Variants in ASB3 observed in about 807,000 individuals in gnomAD.
The protein encoded by ASB3 is ankyrin repeat and SOCS box protein 3.
In ASB3, 41 loss-of-function variants were observed where a neutral mutation model predicts 54.5. The ratio of observed to expected loss-of-function variants is 0.75; its 90% CI spans 0.59 to 0.98. The LOEUF is 0.98. ASB3 is among the 50% of genes least tolerant of loss of function. The pLI is 0.00. For synonymous variants in ASB3, 266 were observed against 221.2 expected (o/e 1.20, Z -1.80); for missense variants, 733 against 620.0 (o/e 1.18, Z -1.94).
In ASB3 at chr2:53,778,423, T is replaced by C. The variant is rs555982048; in HGVS notation, c.-14+8398A>G. On this transcript the variant is annotated intron_variant, in intron 1 of 9. Coordinates refer to ENST00000263634, the MANE Select transcript of ASB3 (RefSeq NM_016115.5). ...CTCAAATTTTTTTTGTAGTGAAAAC[T>C]TTTAAAAGTTACTCTTAGCAAGTAT... Among the ~76,000 whole-genome samples, 349 of 152,264 alleles carry C rather than the reference T, an allele frequency of 2.3e-3. 1 individual carries two copies. Among genetic ancestry groups the C allele is most frequent in the African/African-American group, 8.0e-3 (334 of 41,562 alleles).
intron 5 of ASB3, among the ~76,000 whole-genome samples, chr2:53,720,397 T>A (rs149419428): frequency 0.011 from 1,743 of 152,144 alleles, 32 homozygotes; most frequent in African/African-American, 0.039. Flanking sequence ...TTGACTGAGA[T>A]CTCTCTCAGA....
At chr2:53,726,315 C>T (rs1227206349) in intron 5 of ASB3, among the ~76,000 whole-genome samples, 1 of 147,486 alleles carries the variant, frequency 6.8e-6, no homozygotes, top group Non-Finnish European at 1.5e-5. Context: ...GGCTGGAGTG[C>T]AGAGGCGCGA....
intron 9 of ASB3, among the ~76,000 whole-genome samples, chr2:53,673,214 A>T (rs1434620319): frequency 6.6e-6 from 1 of 152,220 alleles, no homozygotes; most frequent in Non-Finnish European, 1.5e-5. Context: ...TTTAACAGGC[A>T]TCTGTTAAAT....
chr2:53,751,373 A>T (rs1672502207), intron 2 of ASB3, among the ~76,000 whole-genome samples: 1 of 152,208 alleles, frequency 6.6e-6, no homozygotes, highest in Admixed American at 6.5e-5. Flanking sequence ...CTTGTAGTCA[A>T]CTAATACCAT....
chr2:53,704,573 T>G (rs1669668793), intron 7 of ASB3, among the ~76,000 whole-genome samples: 1 of 152,112 alleles, frequency 6.6e-6, no homozygotes, highest in Admixed American at 6.6e-5. Flanking sequence ...CCTCAGACAC[T>G]GGTTATATGA....
intron 1 of ASB3, chr2:53,774,227 G>C: frequency 1.9e-6 from 3 of 1,614,028 alleles, no homozygotes; most frequent in Non-Finnish European, 2.5e-6. Context: ...GAAAAAGGAG[G>C]CTACAGAACC....
intron 2 of ASB3, among the ~76,000 whole-genome samples, chr2:53,757,561 C>T (rs1260374702): frequency 6.6e-6 from 1 of 152,234 alleles, no homozygotes; most frequent in Non-Finnish European, 1.5e-5. Flanking sequence ...GAATCTACTT[C>T]CTCCGATCCC....
intron 1 of ASB3, among the ~76,000 whole-genome samples, chr2:53,783,915 A>G (rs999873649): frequency 6.6e-6 from 1 of 152,252 alleles, no homozygotes; most frequent in Non-Finnish European, 1.5e-5. Context: ...ATAAAGCAGT[A>G]GACCTAACCC....
At chr2:53,726,645 CACACATATATAT>C (rs1358805538) in intron 5 of ASB3, among the ~76,000 whole-genome samples, 1 of 150,866 alleles carries the variant, frequency 6.6e-6, no homozygotes, top group Non-Finnish European at 1.5e-5. Flanking sequence ...CATATATATA[CACACATATATAT>C]ACACACACAT....
At chr2:53,774,148 G>C (rs755017359) in intron 1 of ASB3, 8 of 1,603,492 alleles carry the variant, frequency 5.0e-6, no homozygotes, top group Non-Finnish European at 6.8e-6. Context: ...ACAGGGATGT[G>C]TATGGGGTGT....
At chr2:53,721,941 TGCTA>T (rs1306019561) in intron 5 of ASB3, among the ~76,000 whole-genome samples, 2 of 151,932 alleles carry the variant, frequency 1.3e-5, no homozygotes, top group African/African-American at 4.8e-5. Flanking sequence ...ATTGACAGAC[TGCTA>T]GCTAGATAAA....
chr2:53,685,821 G>C (rs546544268), intron 9 of ASB3, among the ~76,000 whole-genome samples: 1 of 152,298 alleles, frequency 6.6e-6, no homozygotes, highest in South Asian at 2.1e-4. Flanking sequence ...CCTGGAGAAA[G>C]GGCATTGGCT....
At chr2:53,751,606 T>C (rs1343757400) in intron 2 of ASB3, among the ~76,000 whole-genome samples, 2 of 152,104 alleles carry the variant, frequency 1.3e-5, no homozygotes, top group African/African-American at 4.8e-5. Context: ...CTATGCCCAT[T>C]ATAGAAAGAT....
At chr2:53,707,961 C>CAAAAAAAA in intron 7 of ASB3, among the ~76,000 whole-genome samples, 1 of 113,806 alleles carries the variant, frequency 8.8e-6, no homozygotes, top group South Asian at 2.9e-4. Flanking sequence ...GACTCTGTCT[C>CAAAAAAAA]AAAAAAAAAA....
intron 2 of ASB3, among the ~76,000 whole-genome samples, chr2:53,759,493 A>G (rs745968613): frequency 5.3e-5 from 8 of 152,162 alleles, no homozygotes; most frequent in Non-Finnish European, 1.2e-4. Flanking sequence ...TTAGGCCCGG[A>G]GCAAAACTTA....
chr2:53,716,817 T>C, intron 5 of ASB3, 74 bp from the exon 6 acceptor site: 2 of 1,486,156 alleles, frequency 1.3e-6, no homozygotes, highest in East Asian at 2.3e-5. Context: ...TCAAAGGAAC[T>C]ACCATAAAAG....
At chr2:53,782,713 G>T (rs1445194883) in intron 1 of ASB3, among the ~76,000 whole-genome samples, 2 of 152,044 alleles carry the variant, frequency 1.3e-5, no homozygotes, top group African/African-American at 4.8e-5. Flanking sequence ...GAGGCAACTC[G>T]TTTCTTGCAC....
chr2:53,684,673 G>C (rs1251035983), intron 9 of ASB3, among the ~76,000 whole-genome samples: 1 of 152,190 alleles, frequency 6.6e-6, no homozygotes, highest in East Asian at 1.9e-4. Context: ...ATGGACTTAA[G>C]CTGAGAAGAT....
chr2:53,724,021 C>T (rs541550040), intron 5 of ASB3, among the ~76,000 whole-genome samples: 36 of 152,138 alleles, frequency 2.4e-4, no homozygotes, highest in African/African-American at 5.8e-4. Context: ...TTCTGGACAT[C>T]GGCCCTGAGA....
Sources: gnomAD v4.1 joint callset for allele counts (sites outside exome capture counted in the v4.1 genomes callset) on GRCh38, gnomAD v4.1.1 for gene constraint, MANE v1.5 for transcripts, NCBI Gene and HGNC (gene_info 2026-07-23, HGNC 2026-07-21) for gene names.